IPCEF1: variants seen among roughly 807,000 people sequenced by gnomAD.
The protein encoded by IPCEF1 is interactor protein for cytohesin exchange factors 1.
Under a neutral mutation model 50.9 loss-of-function variants are expected in IPCEF1, and 31 were observed. The ratio of observed to expected loss-of-function variants is 0.61; its 90% confidence interval spans 0.46 to 0.82. The LOEUF (loss-of-function observed/expected upper bound fraction) is 0.82. Ranked by LOEUF, IPCEF1 falls within the 40% of genes least tolerant of loss-of-function variation. IPCEF1 has a pLI of 0.00. For missense variants in IPCEF1, 458 were observed against 514.0 expected (o/e 0.89, Z 1.05); for synonymous variants, 181 against 192.0 (o/e 0.94, Z 0.47).
intron 2 of IPCEF1, among the ~76,000 whole-genome samples, chr6:154,284,554 C>T (rs1228499506): frequency 6.6e-6 from 1 of 152,156 alleles, no homozygotes; most frequent in East Asian, 1.9e-4. Flanking sequence ...CCACACCCTC[C>T]TTCTGTGTCA....
Position 154,246,635 on chromosome 6 carries a change from C to A in IPCEF1, c.202G>T (p.Val68Leu). The A allele has an allele frequency of 6.2e-7, 1 of 1,614,054 alleles. No individual in the cohort carries two copies. The highest frequency in any genetic ancestry group is 1.3e-5 in the African/African-American group (1 of 75,042). Residue 68 changes from valine to leucine, a missense_variant, in exon 5 of 12, where the codon GTG (valine) becomes TTG (leucine). Val to Leu is a conservative substitution (Grantham distance 32). Coordinates refer to ENST00000367220, the MANE Select transcript of IPCEF1 (RefSeq NM_001130700.2). ...FLSNKWKKFW[V>L]ILKGSSLYWY... ...TACAGTGACGACCCCTTCAGTATCA[C>A]CCAGAACTTTTTCCATTTGTTGCTT... is the stretch of plus-strand genomic sequence containing the variant.
chr6:154,284,094 T>C (rs1489839525), intron 2 of IPCEF1, among the ~76,000 whole-genome samples: 5 of 152,204 alleles, frequency 3.3e-5, no homozygotes, highest in African/African-American at 9.6e-5. Context: ...CTTGAATTGA[T>C]TTTGCAATCA....
intron 10 of IPCEF1, among the ~76,000 whole-genome samples, chr6:154,174,394 A>G (rs1310041819): frequency 6.6e-6 from 1 of 152,190 alleles, no homozygotes; most frequent in Admixed American, 6.5e-5. Flanking sequence ...GATAGAGTCA[A>G]GACCCATCAG....
chr6:154,311,745 G>A (rs1028216834), intron 1 of IPCEF1, among the ~76,000 whole-genome samples: 19 of 152,056 alleles, frequency 1.2e-4, no homozygotes, highest in Non-Finnish European at 2.8e-4. Context: ...GTGAGAGATC[G>A]CCTCACCCCT....
chr6:154,350,958 G>C (rs906453435), intron 1 of IPCEF1, among the ~76,000 whole-genome samples: 1 of 152,100 alleles, frequency 6.6e-6, no homozygotes, highest in Non-Finnish European at 1.5e-5. Context: ...GGCATCAAGC[G>C]ATCCTCCCAA....
chr6:154,334,957 T>G (rs1163379497), intron 1 of IPCEF1, among the ~76,000 whole-genome samples: 1 of 152,132 alleles, frequency 6.6e-6, no homozygotes, highest in Non-Finnish European at 1.5e-5. Context: ...TTCCTTTATC[T>G]GCCTAAGATC....
chr6:154,256,870 T>C (rs911632165), intron 3 of IPCEF1, among the ~76,000 whole-genome samples: 3 of 152,188 alleles, frequency 2.0e-5, no homozygotes, highest in Admixed American at 2.0e-4. Context: ...TAGTAATACA[T>C]GGTATGATAC....
At chr6:154,192,497 G>A (rs543141842) in intron 10 of IPCEF1, among the ~76,000 whole-genome samples, 1 of 152,128 alleles carries the variant, frequency 6.6e-6, no homozygotes, top group Admixed American at 6.5e-5. Flanking sequence ...AAAAGAAATG[G>A]AAAACCAAAC....
At chr6:154,244,706 C>G (rs1020823231) in intron 5 of IPCEF1, among the ~76,000 whole-genome samples, 3 of 152,166 alleles carry the variant, frequency 2.0e-5, no homozygotes, top group African/African-American at 7.2e-5. Flanking sequence ...GCCAAGCCAG[C>G]CCAATCTGGA....
chr6:154,315,959 A>G (rs895574031), intron 1 of IPCEF1, among the ~76,000 whole-genome samples: 2 of 152,010 alleles, frequency 1.3e-5, no homozygotes, highest in Non-Finnish European at 2.9e-5. Context: ...TCCCAGGTTC[A>G]AGTTATTCTT....
Position 154,294,972 on chromosome 6 carries a change from G to GTGGAT in IPCEF1, c.-61-5217_-61-5216insATCCA, listed in dbSNP as rs1489554023. ...CCAGCACTTTGGGAGGCCAAGGCGG[G>GTGGAT]CACATTATGAGGTCAGGAGATCGAG... On this transcript the variant is annotated intron_variant, in intron 1 of 11. Coordinates refer to ENST00000367220, the MANE Select transcript of IPCEF1 (RefSeq NM_001130700.2). Among the ~76,000 whole-genome samples the GTGGAT allele has an allele frequency of 6.0e-3, 911 of 152,300 alleles. 8 individuals carry two copies. The highest frequency in any genetic ancestry group is 7.3e-3 in the Non-Finnish European group (495 of 68,020).
At chr6:154,240,962 G>A (rs762726381) in intron 5 of IPCEF1, among the ~76,000 whole-genome samples, 4 of 152,164 alleles carry the variant, frequency 2.6e-5, no homozygotes, top group Non-Finnish European at 4.4e-5. Context: ...TTGGGGCCAG[G>A]TGCGGTGGCT....
chr6:154,284,995 G>A (rs1782325109), intron 2 of IPCEF1, among the ~76,000 whole-genome samples: 1 of 151,668 alleles, frequency 6.6e-6, no homozygotes, highest in South Asian at 2.1e-4. Flanking sequence ...GTGAGACTCC[G>A]ACTCAAAAAA....
intron 2 of IPCEF1, among the ~76,000 whole-genome samples, chr6:154,270,767 C>T (rs1250685508): frequency 2.6e-5 from 4 of 151,582 alleles, no homozygotes; most frequent in African/African-American, 7.3e-5. Flanking sequence ...CTTGAGATCA[C>T]GAGTTCAAGA....
chr6:154,296,039 A>T (rs1236865009), intron 1 of IPCEF1, among the ~76,000 whole-genome samples: 1 of 152,236 alleles, frequency 6.6e-6, no homozygotes, highest in African/African-American at 2.4e-5. Flanking sequence ...TAGCTATATG[A>T]AGGAGCTGAC....
intron 10 of IPCEF1, among the ~76,000 whole-genome samples, chr6:154,169,227 G>A (rs1446527310): frequency 6.6e-6 from 1 of 152,096 alleles, no homozygotes; most frequent in East Asian, 1.9e-4. Context: ...TGGGTGTGGT[G>A]GTGCGTGCCT....
rs528700653 is a variant in IPCEF1 at position 154,212,894 on chromosome 6, T to C, written c.452-39A>G. The C allele has an allele frequency of 2.1e-4, 286 of 1,346,020 alleles. 4 individuals are homozygous for C. In the South Asian group the frequency reaches 3.2e-3, roughly 15 times the overall value. The allele number at this position is 1,346,020 out of a possible 1,614,324, so 83.4% of individuals were successfully genotyped here. A position where few individuals can be genotyped will look rare whatever the true frequency, so the allele number is the denominator to read the frequency against. On this transcript the variant is annotated intron_variant, in intron 8 of 11. Transcript: ENST00000367220. ...GAAAATGCTTAATGTTTTAACGCTG[T>C]CATCGCTTATTCCATAATGCATGAG... is the stretch of plus-strand genomic sequence containing the variant.
At chr6:154,295,894 TAC>T (rs564647829) in intron 1 of IPCEF1, among the ~76,000 whole-genome samples, 10,973 of 106,416 alleles carry the variant, frequency 0.1, 725 homozygotes, top group African/African-American at 0.25. Context: ...CACACATGCG[TAC>T]ACACACACAC....
intron 1 of IPCEF1, among the ~76,000 whole-genome samples, chr6:154,308,667 T>C (rs1380049750): frequency 6.6e-6 from 1 of 152,224 alleles, no homozygotes; most frequent in African/African-American, 2.4e-5. Flanking sequence ...GCCATTACTT[T>C]GTGTGGCTTT....
Sources: allele counts gnomAD v4.1 joint callset (sites outside exome capture counted in the v4.1 genomes callset), GRCh38; gene constraint gnomAD v4.1.1; transcripts MANE v1.5; gene names NCBI Gene and HGNC (gene_info 2026-07-23, HGNC 2026-07-21).